Variants in SEMA6D observed in about 807,000 individuals in gnomAD.
SEMA6D encodes the protein semaphorin 6D.
In SEMA6D, 35 loss-of-function variants were observed where a neutral mutation model predicts 106.6. The observed-to-expected ratio is 0.33, with a 90% confidence interval of 0.25 to 0.44. The LOEUF is 0.44. SEMA6D is among the 20% of genes least tolerant of loss of function. SEMA6D has a pLI of 1.00. For synonymous variants in SEMA6D, 499 were observed against 487.7 expected (o/e 1.02, Z -0.31); for missense variants, 1,185 against 1,345.9 (o/e 0.88, Z 1.87).
chr15:47,189,691 A>C (rs1893830635), intron 1 of SEMA6D, among the ~76,000 whole-genome samples: 3 of 152,210 alleles, frequency 2.0e-5, no homozygotes, highest in African/African-American at 7.2e-5. Context: ...CATCTTGATT[A>C]CAGTTAATGT....
chr15:47,206,962 A>G (rs1293160809), intron 1 of SEMA6D, among the ~76,000 whole-genome samples: 1 of 152,142 alleles, frequency 6.6e-6, no homozygotes. Flanking sequence ...AAAACAAATA[A>G]GAGAGAGAAA....
At position 47,656,746 on chromosome 15, in the gene SEMA6D, C is replaced by A. The variant is rs189671261; in HGVS notation, c.-55+55850C>A. Among the ~76,000 whole-genome samples the A allele has an allele frequency of 2.3e-3, 351 of 152,304 alleles. 1 individual carries two copies. Among genetic ancestry groups the A allele is most frequent in the African/African-American group, 8.0e-3 (332 of 41,574 alleles). On this transcript the variant is annotated intron_variant, in intron 4 of 19. Coordinates refer to the SEMA6D transcript ENST00000558014. ...TGATATAAGCTGCATGCACATGAGA[C>A]CCCTTTGCTCTGTGGAAGGGAAGAG...
intron 1 of SEMA6D, among the ~76,000 whole-genome samples, chr15:47,226,560 A>G (rs1369046126): frequency 6.6e-6 from 1 of 152,080 alleles, no homozygotes; most frequent in African/African-American, 2.4e-5. Flanking sequence ...TTCTAATTCT[A>G]TCAACTATCT....
intron 1 of SEMA6D, among the ~76,000 whole-genome samples, chr15:47,254,352 T>TATATATATATATATATAA (rs1236308586): frequency 6.8e-6 from 1 of 147,964 alleles, no homozygotes; most frequent in African/African-American, 2.5e-5. Context: ...TATATATATA[T>TATATATATATATATATAA]AAATGATTGT....
chr15:47,602,979 G>A (rs1347777726), intron 4 of SEMA6D, among the ~76,000 whole-genome samples: 1 of 152,140 alleles, frequency 6.6e-6, no homozygotes, highest in Non-Finnish European at 1.5e-5. Flanking sequence ...AAGAGGATAA[G>A]CTTTGGATAA....
intron 2 of SEMA6D, among the ~76,000 whole-genome samples, chr15:47,438,323 C>G (rs926422347): frequency 2.0e-5 from 3 of 152,040 alleles, no homozygotes; most frequent in African/African-American, 7.2e-5. Context: ...TCTTCTTTGT[C>G]TCATGATCTC....
intron 1 of SEMA6D, among the ~76,000 whole-genome samples, chr15:47,215,436 A>G (rs745796712): frequency 6.6e-6 from 1 of 152,120 alleles, no homozygotes; most frequent in African/African-American, 2.4e-5. Context: ...CAAATAATGT[A>G]TGTGTTTTAA....
intron 1 of SEMA6D, among the ~76,000 whole-genome samples, chr15:47,747,137 C>G (rs2081189051): frequency 1.3e-5 from 2 of 152,034 alleles, no homozygotes; most frequent in Admixed American, 1.3e-4. Context: ...CTCATATTCT[C>G]ATTAGTTTCT....
chr15:47,461,101 CTT>C (rs753080983), intron 2 of SEMA6D, among the ~76,000 whole-genome samples: 1 of 152,122 alleles, frequency 6.6e-6, no homozygotes, highest in Non-Finnish European at 1.5e-5. Context: ...TGTACTTGCT[CTT>C]GTCTCAGCCC....
chr15:47,186,772 A>T (rs1893605901), intron 1 of SEMA6D, among the ~76,000 whole-genome samples: 1 of 152,194 alleles, frequency 6.6e-6, no homozygotes, highest in Non-Finnish European at 1.5e-5. Context: ...CCATCTTCCC[A>T]CATGACCAAT....
chr15:47,582,424 A>G (rs2076270264), intron 3 of SEMA6D, among the ~76,000 whole-genome samples: 1 of 152,230 alleles, frequency 6.6e-6, no homozygotes. Context: ...GAATAAATTT[A>G]ACTTGACAAT....
chr15:47,480,451 C>A lies in SEMA6D; in HGVS notation c.-87+9906C>A, dbSNP rs565170220. Among the ~76,000 whole-genome samples, 4 of 152,208 alleles carry A rather than the reference C, an allele frequency of 2.6e-5. No homozygotes were observed. The East Asian group carries it at 7.8e-4, about 30-fold the overall frequency. ...CAACTTGTCTGTTGAAACTGATTCC[C>A]CATTATTCTCCTTCAGACCCTCTAC... On this transcript the variant is annotated intron_variant, in intron 3 of 19. Transcript: ENST00000558014.
chr15:47,630,867 C>G (rs1475397866), intron 4 of SEMA6D, among the ~76,000 whole-genome samples: 1 of 151,628 alleles, frequency 6.6e-6, no homozygotes, highest in Non-Finnish European at 1.5e-5. Context: ...GTGATTTTTT[C>G]TTTTTTAGTC....
At position 47,290,627 on chromosome 15, in the gene SEMA6D, TATAC is replaced by T. The variant is rs751545945; in HGVS notation, c.-239+106211_-239+106214del. On this transcript the variant is annotated intron_variant, in intron 1 of 19. Coordinates refer to the SEMA6D transcript ENST00000558014. Reference sequence around the variant, plus strand: ...TAACATCAATTTAATTATATATATATATACACACACACACACATATATTCAAATT... The same window carrying T: ...TAACATCAATTTAATTATATATATATACACACACACACATATATTCAAATT... Among the ~76,000 whole-genome samples the T allele has an allele frequency of 2.7e-3, 56 of 20,662 alleles. 1 individual carries two copies. The highest frequency in any genetic ancestry group is 0.033 in the Middle Eastern group (1 of 30). The allele number at this position is 20,662 out of a possible 152,430, so 13.6% of individuals were successfully genotyped here.
intron 3 of SEMA6D, among the ~76,000 whole-genome samples, chr15:47,541,826 G>GTTCT (rs1331005695): frequency 6.6e-6 from 1 of 152,102 alleles, no homozygotes; most frequent in Non-Finnish European, 1.5e-5. Context: ...TTAGGGCTGT[G>GTTCT]TTCTTGGTAG....
chr15:47,194,480 G>T (rs1437825576), intron 1 of SEMA6D, among the ~76,000 whole-genome samples: 2 of 152,058 alleles, frequency 1.3e-5, no homozygotes, highest in Admixed American at 6.6e-5. Context: ...CAGGGTTGAG[G>T]TGGAAGTATT....
At chr15:47,241,607 C>T (rs914376156) in intron 1 of SEMA6D, among the ~76,000 whole-genome samples, 3 of 151,524 alleles carry the variant, frequency 2.0e-5, no homozygotes, top group East Asian at 1.9e-4. Flanking sequence ...CATACATGAC[C>T]CAGAGTGGAG....
At chr15:47,670,831 T>A (rs1013787265) in intron 4 of SEMA6D, among the ~76,000 whole-genome samples, 2 of 152,202 alleles carry the variant, frequency 1.3e-5, no homozygotes, top group Non-Finnish European at 1.5e-5. Flanking sequence ...TTTCTAAGCA[T>A]TAGGCAATCT....
chr15:47,634,687 A>G (rs2077351176), intron 4 of SEMA6D, among the ~76,000 whole-genome samples: 2 of 151,956 alleles, frequency 1.3e-5, no homozygotes, highest in African/African-American at 4.8e-5. Context: ...CCACCACTAG[A>G]CCTTGCTGAC....
Sources: allele counts gnomAD v4.1 joint callset (sites outside exome capture counted in the v4.1 genomes callset), GRCh38; gene constraint gnomAD v4.1.1; transcripts MANE v1.5; gene names NCBI Gene and HGNC (gene_info 2026-07-23, HGNC 2026-07-21).